PICALM: variants seen among roughly 807,000 people sequenced by gnomAD.
PICALM encodes phosphatidylinositol binding clathrin assembly protein.
Under a neutral mutation model 80.5 loss-of-function variants are expected in PICALM, and 40 were observed. The observed-to-expected ratio is 0.50, with a 90% CI of 0.39 to 0.65. PICALM has a LOEUF of 0.65. Among genes scored for constraint, PICALM ranks in the 30% least tolerant of loss-of-function variants. The pLI is 0.00. For synonymous variants in PICALM, 288 were observed against 260.3 expected (o/e 1.11, Z -1.02); for missense variants, 676 against 778.9 (o/e 0.87, Z 1.57).
At chr11:86,042,745 T>C (rs373243888) in intron 1 of PICALM, among the ~76,000 whole-genome samples, 8 of 151,884 alleles carry the variant, frequency 5.3e-5, no homozygotes, top group African/African-American at 9.7e-5. Flanking sequence ...TAACAATACA[T>C]TGAGAATACT....
chr11:86,001,212 A>G lies in PICALM; in HGVS notation c.894-54T>C. ...CTTTTTGCTAAACACTTCACATTAC[A>G]CCCAGGTCATGAAATGGTCTGGCAA... On this transcript the variant is annotated intron_variant, in intron 9 of 19. Coordinates refer to ENST00000393346, the MANE Select transcript of PICALM (RefSeq NM_007166.4). 1.9e-6 allele frequency: 3 copies of G among 1,574,352 alleles called. No homozygotes were observed. The South Asian group carries it at 3.5e-5, about 18-fold the overall frequency.
chr11:86,035,158 G>C (rs2095818705), intron 1 of PICALM, among the ~76,000 whole-genome samples: 1 of 150,014 alleles, frequency 6.7e-6, no homozygotes, highest in Non-Finnish European at 1.5e-5. Flanking sequence ...AAAAAATTTA[G>C]AACTAAGCAG....
intron 1 of PICALM, among the ~76,000 whole-genome samples, chr11:86,035,179 G>A (rs2095819270): frequency 6.6e-6 from 1 of 151,408 alleles, no homozygotes; most frequent in South Asian, 2.1e-4. Context: ...TTACCAAATG[G>A]TTTCATTAAT....
rs545810153 is a variant in PICALM at position 86,037,040 on chromosome 11, G to A, written c.131-5429C>T. On this transcript the variant is annotated intron_variant, in intron 1 of 19. Coordinates refer to ENST00000393346, the MANE Select transcript of PICALM (RefSeq NM_007166.4). ...GGCTCACTGCAACCTCCGCCTCCCAGGTTCAAGCGATTCTCCTGCCTCAGC... is the reference window on the plus strand; with the variant it reads ...GGCTCACTGCAACCTCCGCCTCCCAAGTTCAAGCGATTCTCCTGCCTCAGC... Among the ~76,000 whole-genome samples the A allele has an allele frequency of 2.6e-5, 4 of 151,492 alleles. No homozygotes were observed. The South Asian group carries it at 8.3e-4, about 32-fold the overall frequency.
chr11:86,063,141 A>G (rs909194159), intron 1 of PICALM, among the ~76,000 whole-genome samples: 1 of 152,230 alleles, frequency 6.6e-6, no homozygotes, highest in Non-Finnish European at 1.5e-5. Flanking sequence ...GGCCAAATAA[A>G]CAAATATTTT....
At chr11:85,976,786 C>T in intron 17 of PICALM, 104 bp from the exon 18 acceptor site, 1 of 694,236 alleles carries the variant, frequency 1.4e-6, no homozygotes, top group Non-Finnish European at 2.6e-6. Flanking sequence ...ATTGCTAAGA[C>T]AGCTGTGAGT....
chr11:86,053,326 G>C (rs561147210), intron 1 of PICALM, among the ~76,000 whole-genome samples: 1 of 152,184 alleles, frequency 6.6e-6, no homozygotes, highest in Admixed American at 6.5e-5. Context: ...TAAGGCAAAC[G>C]TGGACACAAA....
chr11:86,055,161 G>A (rs528307966), intron 1 of PICALM, among the ~76,000 whole-genome samples: 24 of 151,794 alleles, frequency 1.6e-4, no homozygotes, highest in Admixed American at 7.9e-4. Flanking sequence ...TGAAACCCCC[G>A]TCTCTACTAA....
chr11:86,039,952 C>T (rs1235230796), intron 1 of PICALM, among the ~76,000 whole-genome samples: 1 of 140,890 alleles, frequency 7.1e-6, no homozygotes, highest in Non-Finnish European at 1.5e-5. Context: ...TGCAGTGAGC[C>T]GAGATCGCGC....
intron 1 of PICALM, among the ~76,000 whole-genome samples, chr11:86,064,360 A>G (rs2096412315): frequency 6.6e-6 from 1 of 152,214 alleles, no homozygotes; most frequent in Non-Finnish European, 1.5e-5. Context: ...GGAAAATATG[A>G]ATTAAAAAAC....
chr11:85,975,278 T>A (rs2094241607), intron 18 of PICALM, among the ~76,000 whole-genome samples: 1 of 147,042 alleles, frequency 6.8e-6, no homozygotes, highest in Non-Finnish European at 1.5e-5. Context: ...CCTGCTCTAG[T>A]TCTTCCATTT....
At chr11:86,044,900 C>G (rs752365455) in intron 1 of PICALM, among the ~76,000 whole-genome samples, 2 of 152,206 alleles carry the variant, frequency 1.3e-5, no homozygotes, top group African/African-American at 2.4e-5. Flanking sequence ...CCACACACCC[C>G]CTGCCAGTCT....
At chr11:86,042,795 G>C (rs376478828) in intron 1 of PICALM, among the ~76,000 whole-genome samples, 2 of 151,946 alleles carry the variant, frequency 1.3e-5, no homozygotes, top group African/African-American at 4.8e-5. Context: ...GCAGGGTCCA[G>C]AGTGGGGGCA....
At chr11:86,050,974 C>T (rs2137333567) in intron 1 of PICALM, among the ~76,000 whole-genome samples, 1 of 152,292 alleles carries the variant, frequency 6.6e-6, no homozygotes, top group South Asian at 2.1e-4. Context: ...AAGGATGCAC[C>T]AACACACCCA....
chr11:86,069,752 A>C (rs2096490016), upstream of PICALM: 1 of 152,092 alleles, frequency 6.6e-6, no homozygotes, highest in East Asian at 1.9e-4. Flanking sequence ...TTTCCTTGAG[A>C]GGCTTGGAAA....
At chr11:85,995,770 A>T (rs1008207003) in intron 12 of PICALM, among the ~76,000 whole-genome samples, 2 of 152,198 alleles carry the variant, frequency 1.3e-5, no homozygotes, top group African/African-American at 4.8e-5. Context: ...ATCAGAACAT[A>T]ACATTAGGAT....
intron 1 of PICALM, among the ~76,000 whole-genome samples, chr11:86,059,891 A>G (rs79392111): frequency 1.3e-5 from 2 of 151,746 alleles, no homozygotes; most frequent in African/African-American, 4.8e-5. Context: ...AAGAGAGAGG[A>G]CAAATAATCA....
chr11:86,038,755 C>A (rs555383129), intron 1 of PICALM, among the ~76,000 whole-genome samples: 1 of 148,758 alleles, frequency 6.7e-6, no homozygotes, highest in Admixed American at 6.7e-5. Flanking sequence ...CCAGCCTGGG[C>A]GACAGAGCGA....
At chr11:86,064,243 G>A (rs1410626043) in intron 1 of PICALM, among the ~76,000 whole-genome samples, 2 of 151,988 alleles carry the variant, frequency 1.3e-5, no homozygotes, top group African/African-American at 4.8e-5. Flanking sequence ...ATGCTGTATC[G>A]ACCAGAGATA....
Sources: allele counts gnomAD v4.1 joint callset (sites outside exome capture counted in the v4.1 genomes callset), GRCh38; gene constraint gnomAD v4.1.1; transcripts MANE v1.5; gene names NCBI Gene and HGNC (gene_info 2026-07-23, HGNC 2026-07-21).